ZNF717: variants seen among roughly 807,000 people sequenced by gnomAD.
The protein encoded by ZNF717 is zinc finger protein 717, also known as krueppel-like factor X17.
ZNF717 carries 9 observed loss-of-function variants against 13.8 expected under a neutral mutation model. The observed-to-expected ratio is 0.65, with a 90% CI of 0.39 to 1.14. The LOEUF (loss-of-function observed/expected upper bound fraction) is 1.14. Ranked by LOEUF, ZNF717 falls within the 50% of genes most tolerant of loss-of-function variation. The pLI, the probability that ZNF717 is intolerant of heterozygous loss-of-function variation, is 0.01. For synonymous variants in ZNF717, 327 were observed against 364.1 expected, an observed-to-expected ratio of 0.90 and a Z score of 1.16; for missense variants, 1,040 against 1,080.7, an observed-to-expected ratio of 0.96 and a Z score of 0.53.
At chr3:75,712,942 T>C (rs1937971003) in intron 5 of ZNF717, among the ~76,000 whole-genome samples, 1 of 129,524 alleles carries the variant, frequency 7.7e-6, no homozygotes, top group Non-Finnish European at 1.6e-5. Flanking sequence ...CACACTTTTA[T>C]ATAGAATTAT....
At chr3:75,769,302 T>A (rs1943726400) in intron 2 of ZNF717, among the ~76,000 whole-genome samples, 1 of 151,948 alleles carries the variant, frequency 6.6e-6, no homozygotes, top group Non-Finnish European at 1.5e-5. Flanking sequence ...TGGGAGGAAG[T>A]CTGTGCTGGC....
chr3:75,764,851 C>A (rs1276867340), intron 2 of ZNF717, among the ~76,000 whole-genome samples: 2 of 152,040 alleles, frequency 1.3e-5, no homozygotes, highest in African/African-American at 4.8e-5. Flanking sequence ...TCCAGCCATC[C>A]AACTTCTACA....
At chr3:75,697,392 G>C (rs1231745478) in intron 6 of ZNF717, among the ~76,000 whole-genome samples, 1 of 152,278 alleles carries the variant, frequency 6.6e-6, no homozygotes, top group Non-Finnish European at 1.5e-5. Context: ...TAATCATCGG[G>C]GTGGATTACT....
intron 2 of ZNF717, among the ~76,000 whole-genome samples, chr3:75,768,091 G>T (rs924096510): frequency 6.6e-6 from 1 of 152,178 alleles, no homozygotes; most frequent in Non-Finnish European, 1.5e-5. Context: ...CCAGGACTGG[G>T]CACTAATCAG....
At chr3:75,755,899 T>C (rs1389717321) in intron 2 of ZNF717, among the ~76,000 whole-genome samples, 3 of 152,264 alleles carry the variant, frequency 2.0e-5, no homozygotes, top group Admixed American at 6.5e-5. Flanking sequence ...ATAATCACTT[T>C]GAATGTTAAT....
Position 75,738,509 on chromosome 3 carries a change from A to G in ZNF717, c.1114T>C (p.Cys372Arg). The change falls in exon 5 of 5, where the codon TGT becomes CGT. Residue 372 changes from cysteine to arginine, a missense_variant. Cys to Arg is a radical substitution (Grantham distance 180). Coordinates refer to ENST00000652011, the MANE Select transcript of ZNF717 (RefSeq NM_001290208.3). ...TGDKPYKCIECGKTFHCKSLL... is the reference protein window; with the variant it reads ...TGDKPYKCIERGKTFHCKSLL... The stretch of plus-strand genomic sequence containing the variant: ...GACTTACAGTGAAAAGTTTTTCCAC[A>G]TTCAATACATTTGTAGGGTTTATCC... 7.8e-6 allele frequency: 12 copies of G among 1,530,960 alleles called. No homozygotes were observed. Among genetic ancestry groups the G allele is most frequent in the Non-Finnish European group, 9.7e-6 (11 of 1,132,266 alleles). The allele number at this position is 1,530,960 out of a possible 1,614,324, so 94.8% of individuals were successfully genotyped here. A position where few individuals can be genotyped will look rare whatever the true frequency, so the allele number is the denominator to read the frequency against.
intron 4 of ZNF717, among the ~76,000 whole-genome samples, chr3:75,718,489 G>A (rs1423229349): frequency 1.3e-5 from 2 of 152,080 alleles, no homozygotes; most frequent in African/African-American, 4.8e-5. Flanking sequence ...CCCACAGCCT[G>A]TCCACACCTA....
rs78035646 is a variant in ZNF717, at chr3:75,715,979, T to G, written n.667+440A>C. Among the ~76,000 whole-genome samples, 4 of 46,884 alleles carry G rather than the reference T, an allele frequency of 8.5e-5. No homozygotes were observed. In the East Asian group the frequency reaches 4.6e-3, roughly 54 times the overall value. The allele number at this position is 46,884 out of a possible 152,430, so 30.8% of individuals were successfully genotyped here. On this transcript the variant is annotated intron_variant and non_coding_transcript_variant, in intron 5 of 5. Transcript: ENST00000491507. ...TGGTTTTTTTTGGTTTGTTTTTTTGTTTTTTTTTTTTAGATGGATTCTTGC... is the reference window on the plus strand; with the variant it reads ...TGGTTTTTTTTGGTTTGTTTTTTTGGTTTTTTTTTTTAGATGGATTCTTGC...
intron 5 of ZNF717, among the ~76,000 whole-genome samples, chr3:75,711,829 C>A (rs1937945638): frequency 6.6e-6 from 1 of 152,094 alleles, no homozygotes; most frequent in Non-Finnish European, 1.5e-5. Flanking sequence ...CAGCAGATTG[C>A]AAACACTTTT....
In ZNF717 at chr3:75,737,185, G is replaced by A. The variant is rs1411006607; in HGVS notation, c.2438C>T (p.Pro813Leu). Reference sequence around the variant, plus strand: ...TTTCCTACATTCTTTACATTCAAATGGCTTCTCACCTGTGTGAGTTCTCTG... The same window carrying A: ...TTTCCTACATTCTTTACATTCAAATAGCTTCTCACCTGTGTGAGTTCTCTG... Reference protein sequence around the residue: ...IHQRTHTGEKPFECKECRKTF... With the variant: ...IHQRTHTGEKLFECKECRKTF... The change falls in exon 5 of 5, where the codon CCA becomes CTA. Residue 813 changes from proline to leucine, a missense_variant. Pro to Leu is a moderately conservative substitution (Grantham distance 98, BLOSUM62 -3). Around this residue, in one of 3 missense-constraint regions of ZNF717, gnomAD observed 873 missense variants for 832.8 expected, o/e 1.05. Coordinates refer to ENST00000652011, the MANE Select transcript of ZNF717 (RefSeq NM_001290208.3). The A allele has an allele frequency of 2.6e-6, 4 of 1,556,076 alleles. No homozygotes were observed. Among genetic ancestry groups the A allele is most frequent in the Non-Finnish European group, 3.5e-6 (4 of 1,149,934 alleles).
At chr3:75,760,653 C>T (rs7613500) in intron 2 of ZNF717, among the ~76,000 whole-genome samples, 29 of 133,926 alleles carry the variant, frequency 2.2e-4, no homozygotes, top group Admixed American at 1.5e-3. Flanking sequence ...TGAAAAGAAG[C>T]GAGATCTCAA....
downstream of ZNF717, among the ~76,000 whole-genome samples, chr3:75,707,459 T>C (rs1399850783): frequency 1.4e-4 from 22 of 152,290 alleles, no homozygotes; most frequent in Non-Finnish European, 3.2e-4. Flanking sequence ...TTCTTAAATC[T>C]GGGGTGGGGT....
At chr3:75,721,457 T>C (rs11720658) in intron 4 of ZNF717, among the ~76,000 whole-genome samples, 48,963 of 151,684 alleles carry the variant, frequency 0.32, 9,023 homozygotes, top group Non-Finnish European at 0.42. Context: ...AATTTTGTAT[T>C]TTCAGTAGAG....
At chr3:75,731,203 C>G (rs1449987215), downstream of ZNF717, among the ~76,000 whole-genome samples, 1 of 152,120 alleles carries the variant, frequency 6.6e-6, no homozygotes, top group African/African-American at 2.4e-5. Flanking sequence ...ATGGCAAAAC[C>G]CCATCTCTAC....
At chr3:75,715,170 C>T (rs796888532) in intron 5 of ZNF717, among the ~76,000 whole-genome samples, 1 of 152,080 alleles carries the variant, frequency 6.6e-6, no homozygotes, top group Non-Finnish European at 1.5e-5. Flanking sequence ...TTTTAAGAAA[C>T]TTTTTTCAGC....
chr3:75,745,566 A>C (rs1337652920), intron 2 of ZNF717, among the ~76,000 whole-genome samples: 2 of 147,058 alleles, frequency 1.4e-5, no homozygotes, highest in Non-Finnish European at 3.0e-5. Context: ...ATCTCCTGAA[A>C]TTTATTCCTT....
At chr3:75,761,463 G>A (rs1261127248) in intron 2 of ZNF717, among the ~76,000 whole-genome samples, 3 of 152,250 alleles carry the variant, frequency 2.0e-5, no homozygotes, top group African/African-American at 7.2e-5. Context: ...TCTAGGATCA[G>A]GAACAAGATA....
rs1409843369 is a variant in ZNF717 at position 75,736,685 on chromosome 3, T to C, written c.*193A>G. Reference sequence around the variant, plus strand: ...GAGCTTCTAGGAAAACAGCCATATCTGTGACATTAAAGTGCAAAGTGTGCT... The same window carrying C: ...GAGCTTCTAGGAAAACAGCCATATCCGTGACATTAAAGTGCAAAGTGTGCT... On this transcript the variant is annotated 3_prime_UTR_variant, in exon 5 of 5. Coordinates refer to ENST00000652011, the MANE Select transcript of ZNF717 (RefSeq NM_001290208.3). The C allele has an allele frequency of 3.4e-6, 2 of 583,980 alleles. No homozygotes were observed. Among genetic ancestry groups the C allele is most frequent in the East Asian group, 5.7e-5 (2 of 35,366 alleles). 36.2% of individuals were successfully genotyped at this position (583,980 alleles called of 1,614,324 possible).
At chr3:75,696,326 T>C (rs1192278290) in intron 6 of ZNF717, among the ~76,000 whole-genome samples, 4 of 152,266 alleles carry the variant, frequency 2.6e-5, no homozygotes, top group Admixed American at 2.0e-4. Context: ...AAAAAGTCTG[T>C]AGGACCAGAC....
Sources: allele counts gnomAD v4.1 joint callset (sites outside exome capture counted in the v4.1 genomes callset), GRCh38; gene constraint gnomAD v4.1.1; regional missense constraint gnomAD v4.1.1; transcripts MANE v1.5; gene names NCBI Gene and HGNC (gene_info 2026-07-23, HGNC 2026-07-21).